Variants in FAM163B observed in about 807,000 individuals in gnomAD.
The protein encoded by FAM163B is protein FAM163B.
In FAM163B, 4 loss-of-function variants were observed where a neutral mutation model predicts 7.6. The observed-to-expected ratio is 0.52, with a 90% confidence interval of 0.26 to 1.20. The LOEUF (loss-of-function observed/expected upper bound fraction) is 1.20, where lower values mean the gene tolerates loss of function less well. Ranked by LOEUF, FAM163B falls within the 50% of genes most tolerant of loss-of-function variation. FAM163B has a pLI of 0.14. For missense variants in FAM163B, 250 were observed against 243.0 expected (o/e 1.03, Z -0.19); for synonymous variants, 120 against 111.6 (o/e 1.07, Z -0.47).
At chr9:133,596,598 C>T (rs1350098039) in intron 1 of FAM163B, among the ~76,000 whole-genome samples, 1 of 152,114 alleles carries the variant, frequency 6.6e-6, no homozygotes, top group African/African-American at 2.4e-5. Flanking sequence ...AGCTGGAATC[C>T]CAGGCTATGG....
chr9:133,579,317 C>T lies in FAM163B; in HGVS notation c.206G>A (p.Gly69Glu). The change falls in exon 3 of 3, where the codon GGG becomes GAG. Residue 69 changes from glycine (G) to glutamate (E), a missense_variant. Gly to Glu is a moderately conservative substitution (Grantham distance 98). Coordinates refer to ENST00000673969, the MANE Select transcript of FAM163B (RefSeq NM_001080515.3). ...HSNRNLVLTN[G>E]PALYPTASTS... ...GGAGGCGGTGGGGTAGAGCGCCGGC[C>T]CGTTGGTCAGCACCAGGTTGCGGTT... 6.2e-7 allele frequency: 1 copy of T among 1,613,656 alleles called. No homozygotes were observed. Among genetic ancestry groups the T allele is most frequent in the Non-Finnish European group, 8.5e-7 (1 of 1,179,960 alleles).
At chr9:133,589,283 G>A (rs1188061844) in intron 1 of FAM163B, among the ~76,000 whole-genome samples, 1 of 152,182 alleles carries the variant, frequency 6.6e-6, no homozygotes, top group African/African-American at 2.4e-5. Context: ...CTCTGTGCCA[G>A]GAGGGCATGG....
intron 1 of FAM163B, among the ~76,000 whole-genome samples, chr9:133,593,217 AGCCAG>A (rs1366791713): frequency 6.6e-6 from 1 of 152,222 alleles, no homozygotes; most frequent in Non-Finnish European, 1.5e-5. Flanking sequence ...AAGGCAATGC[AGCCAG>A]CAGGAGGCAG....
At chr9:133,582,186 CCT>C (rs1177386866) in intron 1 of FAM163B, among the ~76,000 whole-genome samples, 1 of 152,190 alleles carries the variant, frequency 6.6e-6, no homozygotes, top group African/African-American at 2.4e-5. Flanking sequence ...CAGATCCACA[CCT>C]CTCAGTGAAC....
Position 133,577,183 on chromosome 9 carries a change from A to G in FAM163B, c.*1839T>C, listed in dbSNP as rs1058714. ...AGTGAGCTGGGAGGGATGGGTGCTT[A>G]CTTCGTTTCAAAGAGATCTACATAT... On this transcript the variant is annotated 3_prime_UTR_variant, in exon 3 of 3. Transcript: ENST00000673969. 0.75 allele frequency among the ~76,000 whole-genome samples: 113,726 copies of G among 151,724 alleles called. 42,836 individuals carry two copies. Among genetic ancestry groups the G allele is most frequent in the Middle Eastern group, 0.87 (255 of 294 alleles).
In FAM163B at chr9:133,578,797, C is replaced by A. The variant is rs1295337993; in HGVS notation, c.*225G>T. ...CTGTATGGTCACCTGGTCCTTCTAG[C>A]CCCAGGCCCCAGCTGTGCCTCCCCC... On this transcript the variant is annotated 3_prime_UTR_variant, in exon 3 of 3. Coordinates refer to ENST00000673969, the MANE Select transcript of FAM163B (RefSeq NM_001080515.3). The A allele has an allele frequency of 2.6e-6, 2 of 779,284 alleles. No individual in the cohort carries two copies. The highest frequency in any genetic ancestry group is 3.7e-6 in the Non-Finnish European group (2 of 536,576). 48.3% of individuals were successfully genotyped at this position (779,284 alleles called of 1,614,324 possible).
chr9:133,597,319 G>T (rs1199148656), intron 1 of FAM163B, among the ~76,000 whole-genome samples: 3 of 152,268 alleles, frequency 2.0e-5, no homozygotes, highest in East Asian at 3.9e-4. Flanking sequence ...TTCTAGAGAT[G>T]AAAACATGAC....
intron 1 of FAM163B, among the ~76,000 whole-genome samples, chr9:133,588,053 G>A (rs1241822869): frequency 1.3e-5 from 2 of 152,178 alleles, no homozygotes; most frequent in Non-Finnish European, 1.5e-5. Context: ...TGCCCAGGAA[G>A]CCAGGAGCAG....
At chr9:133,602,787 C>A (rs1831745886) in intron 1 of FAM163B, among the ~76,000 whole-genome samples, 1 of 152,212 alleles carries the variant, frequency 6.6e-6, no homozygotes, top group African/African-American at 2.4e-5. Flanking sequence ...ATACCAGAAG[C>A]TCACAGTCGA....
intron 2 of FAM163B, 51 bp from the exon 3 acceptor site, chr9:133,579,480 C>T: frequency 6.6e-7 from 1 of 1,506,590 alleles, no homozygotes; most frequent in Non-Finnish European, 8.9e-7. Context: ...CACCCCAGAA[C>T]CGACATGTGG....
intron 1 of FAM163B, among the ~76,000 whole-genome samples, chr9:133,597,601 GGAT>G (rs1179773923): frequency 2.6e-5 from 4 of 152,128 alleles, no homozygotes; most frequent in South Asian, 2.1e-4. Context: ...TTTCCAAATT[GGAT>G]GATATTATAA....
At position 133,606,780 on chromosome 9, in the gene FAM163B, T is replaced by TA. The variant is rs1333387499; in HGVS notation, c.-24+2296dup. 6.6e-6 allele frequency among the ~76,000 whole-genome samples: 1 copy of TA among 152,070 alleles called. No homozygotes were observed. Among genetic ancestry groups the TA allele is most frequent in the African/African-American group, 2.4e-5 (1 of 41,402 alleles). ...TGCCTCCCCTCCTGCCCCGAGAGTT[T>TA]AGAGTCAGAGGTAATTGACTGAGAT... On this transcript the variant is annotated intron_variant, in intron 1 of 2. Transcript: ENST00000673969. This position sits in a 1 kb window ranked among gnomAD's most constrained non-coding sequence, Gnocchi z 4.0.
intron 1 of FAM163B, among the ~76,000 whole-genome samples, chr9:133,581,614 C>G (rs1273954233): frequency 6.6e-6 from 1 of 152,194 alleles, no homozygotes; most frequent in Non-Finnish European, 1.5e-5. Context: ...TAGAACAGCT[C>G]AAAACCCATT....
At chr9:133,599,674 CAT>C (rs1431796038) in intron 1 of FAM163B, among the ~76,000 whole-genome samples, 7 of 150,648 alleles carry the variant, frequency 4.6e-5, no homozygotes, top group African/African-American at 9.8e-5. Flanking sequence ...TATATGTGTG[CAT>C]ATGTGTCAGT....
At chr9:133,587,640 G>C (rs1831460880) in intron 1 of FAM163B, among the ~76,000 whole-genome samples, 1 of 152,118 alleles carries the variant, frequency 6.6e-6, no homozygotes, top group African/African-American at 2.4e-5. Context: ...CCCCCACCAG[G>C]CAGGGTGTGG....
At chr9:133,599,945 ATAT>A in intron 1 of FAM163B, among the ~76,000 whole-genome samples, 1 of 127,992 alleles carries the variant, frequency 7.8e-6, no homozygotes, top group South Asian at 2.8e-4. Context: ...GTCTATGTGC[ATAT>A]GTGTGTGCGT....
In FAM163B at chr9:133,578,771, G is replaced by A; in HGVS notation, c.*251C>T. The stretch of plus-strand genomic sequence containing the variant: ...GAGAGCCCTGGTGCATGCCCAGCCG[G>A]CTGTATGGTCACCTGGTCCTTCTAG... On this transcript the variant is annotated 3_prime_UTR_variant, in exon 3 of 3. Transcript: ENST00000673969. The A allele has an allele frequency of 1.7e-6, 1 of 583,244 alleles. No individual in the cohort carries two copies. Among genetic ancestry groups the A allele is most frequent in the South Asian group, 4.3e-5 (1 of 23,098 alleles). 36.1% of individuals were successfully genotyped at this position (583,244 alleles called of 1,614,324 possible).
chr9:133,578,994 A>G lies in FAM163B; in HGVS notation c.*28T>C, dbSNP rs1008577421. The G allele has an allele frequency of 6.1e-6, 9 of 1,472,342 alleles. No individual in the cohort carries two copies. The highest frequency in any genetic ancestry group is 2.8e-5 in the African/African-American group (2 of 70,536). 91.2% of individuals were successfully genotyped at this position (1,472,342 alleles called of 1,614,324 possible). A position where few individuals can be genotyped will look rare whatever the true frequency, so the allele number is the denominator to read the frequency against. On this transcript the variant is annotated 3_prime_UTR_variant, in exon 3 of 3. Coordinates refer to ENST00000673969, the MANE Select transcript of FAM163B (RefSeq NM_001080515.3). Reference sequence around the variant, plus strand: ...TCCCCCCATTGTCTCAGGACCTTCAAGGCCAGGATCCCGGGGGCGGGCCCA... The same window carrying G: ...TCCCCCCATTGTCTCAGGACCTTCAGGGCCAGGATCCCGGGGGCGGGCCCA...
chr9:133,583,295 C>G (rs1831383186), intron 1 of FAM163B, among the ~76,000 whole-genome samples: 1 of 152,176 alleles, frequency 6.6e-6, no homozygotes, highest in African/African-American at 2.4e-5. Context: ...CCACTGCTGT[C>G]AGGCTGAGAC....
Sources: allele counts gnomAD v4.1 joint callset (sites outside exome capture counted in the v4.1 genomes callset), GRCh38; gene constraint gnomAD v4.1.1; non-coding constraint Gnocchi (gnomAD v3.1); transcripts MANE v1.5; gene names NCBI Gene and HGNC (gene_info 2026-07-23, HGNC 2026-07-21).